The following UBAC1 variants were observed in gnomAD, a reference collection of about 807,000 sequenced individuals.
UBAC1 encodes the protein ubiquitin-associated domain-containing protein 1.
A neutral mutation model predicts 45.9 loss-of-function variants in UBAC1; 27 were observed. The observed-to-expected ratio is 0.59, with a 90% CI of 0.43 to 0.81. The LOEUF is 0.81. Among genes scored for constraint, UBAC1 ranks in the 30% least tolerant of loss-of-function variants. The probability of loss-of-function intolerance (pLI) is 0.00; values close to 1 mark genes in which losing one functional copy is unlikely to be tolerated. For missense variants in UBAC1, 529 were observed against 539.2 expected (o/e 0.98, Z 0.19); for synonymous variants, 227 against 215.5 (o/e 1.05, Z -0.47).
chr9:135,957,022 C>A (rs1048847797), intron 1 of UBAC1, among the ~76,000 whole-genome samples: 2 of 152,214 alleles, frequency 1.3e-5, no homozygotes, highest in African/African-American at 4.8e-5. Flanking sequence ...TTTCCACCAC[C>A]CTTTGCTGCC....
At chr9:135,955,069 A>G (rs896798191) in intron 2 of UBAC1, among the ~76,000 whole-genome samples, 3 of 152,210 alleles carry the variant, frequency 2.0e-5, no homozygotes, top group African/African-American at 7.2e-5. Context: ...GGCTTCTCAA[A>G]TGCCTGCTGC....
At chr9:135,953,300 T>C (rs1588535658) in intron 3 of UBAC1, among the ~76,000 whole-genome samples, 1 of 149,944 alleles carries the variant, frequency 6.7e-6, no homozygotes, top group Non-Finnish European at 1.5e-5. Flanking sequence ...TTTATAATTC[T>C]TTTTTTTTTA....
intron 3 of UBAC1, among the ~76,000 whole-genome samples, chr9:135,952,179 G>A (rs1035668955): frequency 6.6e-6 from 1 of 152,254 alleles, no homozygotes; most frequent in Non-Finnish European, 1.5e-5. Context: ...AGGTGTGGCT[G>A]AAGATAAGGA....
At chr9:135,939,069 G>A (rs1472748360) in intron 8 of UBAC1, among the ~76,000 whole-genome samples, 1 of 152,056 alleles carries the variant, frequency 6.6e-6, no homozygotes, top group Non-Finnish European at 1.5e-5. Flanking sequence ...GGGCATAGTG[G>A]TGCATGCCTG....
intron 2 of UBAC1, among the ~76,000 whole-genome samples, chr9:135,954,141 A>G (rs889718187): frequency 6.8e-6 from 1 of 147,940 alleles, no homozygotes; most frequent in African/African-American, 2.5e-5. Context: ...TTCATCTTAA[A>G]AAAAAAAAAA....
intron 3 of UBAC1, among the ~76,000 whole-genome samples, chr9:135,948,500 G>A (rs997601035): frequency 1.2e-4 from 18 of 152,260 alleles, no homozygotes; most frequent in African/African-American, 3.4e-4. Context: ...GACAAGGAGC[G>A]AGCCTCAGGA....
chr9:135,951,635 C>A (rs1839406472), intron 3 of UBAC1, among the ~76,000 whole-genome samples: 1 of 151,650 alleles, frequency 6.6e-6, no homozygotes, highest in South Asian at 2.1e-4. Flanking sequence ...ATGGTGAAAC[C>A]CCATCTCTAC....
At chr9:135,934,303 C>A (rs533058428) in intron 9 of UBAC1, among the ~76,000 whole-genome samples, 1 of 152,274 alleles carries the variant, frequency 6.6e-6, no homozygotes, top group East Asian at 1.9e-4. Context: ...CATGATTGGA[C>A]AATCCCCAGG....
chr9:135,958,241 G>A (rs1301139196), intron 1 of UBAC1, among the ~76,000 whole-genome samples: 5 of 152,042 alleles, frequency 3.3e-5, no homozygotes, highest in Non-Finnish European at 5.9e-5. Flanking sequence ...TAAAGATGGG[G>A]TTTCACTGTG....
chr9:135,952,809 C>G (rs901501535), intron 3 of UBAC1, among the ~76,000 whole-genome samples: 1 of 152,242 alleles, frequency 6.6e-6, no homozygotes, highest in Admixed American at 6.5e-5. Flanking sequence ...CACCAACGAG[C>G]ACTTCCATTA....
chr9:135,944,962 T>G, intron 7 of UBAC1, 66 bp downstream of exon 7: 3 of 1,494,616 alleles, frequency 2.0e-6, no homozygotes, highest in Non-Finnish European at 2.7e-6. Context: ...CCAGCTTCCT[T>G]TCCATGGCGC....
intron 8 of UBAC1, among the ~76,000 whole-genome samples, chr9:135,938,716 G>C (rs1482177151): frequency 1.3e-5 from 2 of 151,334 alleles, no homozygotes; most frequent in Non-Finnish European, 3.0e-5. Context: ...CTGTGGTCCT[G>C]TTATGGGCAG....
At position 135,937,529 on chromosome 9, in the gene UBAC1, T is replaced by C. The variant is rs114495738; in HGVS notation, c.1102+693A>G. ...TTCCCAGTGCCTTCCATCAAGAAAATACTCCACAACCCCCACAAAGAACGC... is the reference window on the plus strand; with the variant it reads ...TTCCCAGTGCCTTCCATCAAGAAAACACTCCACAACCCCCACAAAGAACGC... On this transcript the variant is annotated intron_variant, in intron 9 of 9. Transcript: ENST00000371756. Among the ~76,000 whole-genome samples the C allele has an allele frequency of 8.4e-3, 1,158 of 137,810 alleles. 16 individuals carry two copies. The highest frequency in any genetic ancestry group is 0.03 in the African/African-American group (1,091 of 36,800). 90.4% of individuals were successfully genotyped at this position (137,810 alleles called of 152,430 possible). A position where few individuals can be genotyped will look rare whatever the true frequency, so the allele number is the denominator to read the frequency against.
intron 3 of UBAC1, among the ~76,000 whole-genome samples, chr9:135,950,873 A>G (rs1839399008): frequency 6.6e-6 from 1 of 152,210 alleles, no homozygotes; most frequent in Admixed American, 6.5e-5. Flanking sequence ...TGAACAGACC[A>G]CCTGAGCCCA....
At chr9:135,941,173 G>A (rs1364310335) in intron 7 of UBAC1, among the ~76,000 whole-genome samples, 1 of 152,124 alleles carries the variant, frequency 6.6e-6, no homozygotes, top group Admixed American at 6.5e-5. Flanking sequence ...TGGGAGGCCG[G>A]GGTGGGAGGA....
chr9:135,945,050 C>G lies in UBAC1; in HGVS notation c.854G>C (p.Arg285Thr). Residue 285 changes from arginine to threonine, a missense_variant, in exon 7 of 10, where the codon AGG becomes ACG. By Grantham distance (71) the Arg-to-Thr change is moderately conservative. Coordinates refer to ENST00000371756, the MANE Select transcript of UBAC1 (RefSeq NM_016172.3). ...TACCCGAGCATCAGCCCGAAACTCC[C>G]TTTTCCTCCGGATCTTCTTGAAGAT... ...TEIFKKIRRKREFRADARAVI... is the reference protein window; with the variant it reads ...TEIFKKIRRKTEFRADARAVI... 1 of 1,613,846 alleles carries G rather than the reference C, an allele frequency of 6.2e-7. No homozygotes were observed. Among genetic ancestry groups the G allele is most frequent in the South Asian group, 1.1e-5 (1 of 90,988 alleles).
chr9:135,936,025 CAA>C (rs558643918), intron 9 of UBAC1, among the ~76,000 whole-genome samples: 25 of 61,254 alleles, frequency 4.1e-4, no homozygotes, highest in Admixed American at 3.7e-4. Flanking sequence ...GATTCCATCT[CAA>C]AAAAAAAAAA....
At chr9:135,957,576 G>A (rs570369865) in intron 1 of UBAC1, among the ~76,000 whole-genome samples, 2 of 151,880 alleles carry the variant, frequency 1.3e-5, no homozygotes, top group African/African-American at 2.4e-5. Flanking sequence ...AACCAAGGCC[G>A]CTGGAGTAGG....
intron 2 of UBAC1, among the ~76,000 whole-genome samples, chr9:135,954,673 G>A (rs1839445255): frequency 6.6e-6 from 1 of 152,220 alleles, no homozygotes; most frequent in African/African-American, 2.4e-5. Context: ...TTCTGAAAAA[G>A]TCTGTGAGGG....
Sources: gnomAD v4.1 joint callset for allele counts (sites outside exome capture counted in the v4.1 genomes callset) on GRCh38, gnomAD v4.1.1 for gene constraint, MANE v1.5 for transcripts, NCBI Gene and HGNC (gene_info 2026-07-23, HGNC 2026-07-21) for gene names.